KCNQ1: variants seen among roughly 807,000 people sequenced by gnomAD.
KCNQ1 encodes potassium voltage-gated channel subfamily Q member 1, also known as potassium voltage-gated channel subfamily KQT member 1.
A neutral mutation model predicts 72.4 loss-of-function variants in KCNQ1; 49 were observed. That is an observed-to-expected ratio of 0.68 (90% CI 0.54 to 0.86). The LOEUF (loss-of-function observed/expected upper bound fraction) is 0.86, where lower values mean the gene tolerates loss of function less well. KCNQ1 is among the 40% of genes least tolerant of loss of function. The probability of loss-of-function intolerance (pLI) is 0.00; values close to 1 mark genes in which losing one functional copy is unlikely to be tolerated. For synonymous variants in KCNQ1, 450 were observed against 412.6 expected, an observed-to-expected ratio of 1.09 and a Z score of -1.10; for missense variants, 790 against 945.1, an observed-to-expected ratio of 0.84 and a Z score of 2.15.
In KCNQ1 at chr11:2,809,595, T is replaced by C. The variant is rs547069606; in HGVS notation, c.1794+31558T>C. ...CCTCTTCTCAGTTCTTCGTTTCCAGTTGGACTCATCTCCTGACTGGTTGGG... is the reference window on the plus strand; with the variant it reads ...CCTCTTCTCAGTTCTTCGTTTCCAGCTGGACTCATCTCCTGACTGGTTGGG... On this transcript the variant is annotated intron_variant, in intron 15 of 15. Transcript: ENST00000155840. This position sits in a 1 kb window ranked among gnomAD's most constrained non-coding sequence, Gnocchi z 7.1. 9.8e-5 allele frequency among the ~76,000 whole-genome samples: 15 copies of C among 152,318 alleles called. No homozygotes were observed. The highest frequency in any genetic ancestry group is 8.3e-4 in the South Asian group (4 of 4,824).
intron 1 of KCNQ1, among the ~76,000 whole-genome samples, chr11:2,524,714 C>T (rs946221618): frequency 6.6e-6 from 1 of 152,210 alleles, no homozygotes; most frequent in African/African-American, 2.4e-5. Context: ...TCGACGCTCG[C>T]TGCTGATTCC....
chr11:2,775,789 G>T (rs1846683227), intron 12 of KCNQ1, among the ~76,000 whole-genome samples, 171 bp from the exon 13 acceptor site: 1 of 152,206 alleles, frequency 6.6e-6, no homozygotes, highest in South Asian at 2.1e-4. Context: ...AGCTGATGGG[G>T]ACAAGCTTCG....
intron 1 of KCNQ1, among the ~76,000 whole-genome samples, chr11:2,448,936 G>C (rs1046988290): frequency 6.6e-6 from 1 of 152,236 alleles, no homozygotes; most frequent in African/African-American, 2.4e-5. Flanking sequence ...GTCAGCTGGG[G>C]AGGGGGTAGT....
rs1469727641 is a variant in KCNQ1, at chr11:2,623,732, C to G, written c.1393+34878C>G. The G allele has an allele frequency of 2.5e-6, 1 of 398,490 alleles. No homozygotes were observed. The highest frequency in any genetic ancestry group is 2.1e-5 in the African/African-American group (1 of 48,716). 24.7% of individuals were successfully genotyped at this position (398,490 alleles called of 1,614,324 possible). A position where few individuals can be genotyped will look rare whatever the true frequency, so the allele number is the denominator to read the frequency against. ...TCACAAATAAAGCTTCTGTAAACATCTCTGTGCAGATTTTTATGTGAATAT... is the reference window on the plus strand; with the variant it reads ...TCACAAATAAAGCTTCTGTAAACATGTCTGTGCAGATTTTTATGTGAATAT... On this transcript the variant is annotated intron_variant, in intron 10 of 15. Transcript: ENST00000155840. The surrounding 1 kb of genome is among the most constrained non-coding windows in gnomAD (Gnocchi z 5.2).
intron 1 of KCNQ1, among the ~76,000 whole-genome samples, chr11:2,466,762 G>A (rs1846357818): frequency 1.3e-5 from 2 of 152,146 alleles, no homozygotes; most frequent in East Asian, 1.9e-4. Flanking sequence ...GAACAGGGCT[G>A]AGCTCCATGT....
At chr11:2,763,067 T>TAAAC (rs1052669305) in intron 11 of KCNQ1, among the ~76,000 whole-genome samples, 1 of 152,170 alleles carries the variant, frequency 6.6e-6, no homozygotes, top group Admixed American at 6.5e-5. Flanking sequence ...TTCCAATAAA[T>TAAAC]AAACAAACAA....
At chr11:2,770,662 C>T (rs1227886252) in intron 12 of KCNQ1, among the ~76,000 whole-genome samples, 1 of 152,272 alleles carries the variant, frequency 6.6e-6, no homozygotes, top group African/African-American at 2.4e-5. Flanking sequence ...AAAATAAAAG[C>T]CATGGCAAAT....
chr11:2,772,535 C>T lies in KCNQ1; in HGVS notation c.1591-3425C>T, dbSNP rs1392122379. 6.6e-6 allele frequency among the ~76,000 whole-genome samples: 1 copy of T among 152,140 alleles called. No homozygotes were observed. Among genetic ancestry groups the T allele is most frequent in the Non-Finnish European group, 1.5e-5 (1 of 67,998 alleles). Reference sequence around the variant, plus strand: ...CGTATCCTAGCAGGCATCTCAGTGGCTCCAGGATAAGTCTCTGTGGGCTGG... The same window carrying T: ...CGTATCCTAGCAGGCATCTCAGTGGTTCCAGGATAAGTCTCTGTGGGCTGG... On this transcript the variant is annotated intron_variant, in intron 12 of 15. Transcript: ENST00000155840. This position sits in a 1 kb window ranked among gnomAD's most constrained non-coding sequence, Gnocchi z 6.6.
intron 2 of KCNQ1, among the ~76,000 whole-genome samples, chr11:2,534,284 T>C (rs1204217468): frequency 1.3e-5 from 2 of 152,240 alleles, no homozygotes; most frequent in African/African-American, 4.8e-5. Flanking sequence ...CCTCACCTGG[T>C]GTTTTTCACC....
intron 12 of KCNQ1, among the ~76,000 whole-genome samples, chr11:2,770,946 C>A (rs1846586893): frequency 6.6e-6 from 1 of 152,244 alleles, no homozygotes; most frequent in African/African-American, 2.4e-5. Context: ...CAGAGGAGAC[C>A]ATGGGAAGGG....
At position 2,674,831 on chromosome 11, in the gene KCNQ1, TTAAAAAAAA is replaced by T. The variant is rs1850263226; in HGVS notation, c.1514+12751_1514+12759del. The stretch of plus-strand genomic sequence containing the variant: ...GGCTTGTCACCCTAATAGCTGTTTT[TTAAAAAAAA>T]AAAAAAAAAAAAAAAAAAAAGCTCA... On this transcript the variant is annotated intron_variant, in intron 11 of 15. Coordinates refer to ENST00000155840, the MANE Select transcript of KCNQ1 (RefSeq NM_000218.3). The surrounding 1 kb of genome is among the most constrained non-coding windows in gnomAD (Gnocchi z 5.9). 12 of 368,048 alleles carry T rather than the reference TTAAAAAAAA, an allele frequency of 3.3e-5. No homozygotes were observed. The highest frequency in any genetic ancestry group is 2.1e-4 in the African/African-American group (8 of 38,700). 22.8% of individuals were successfully genotyped at this position (368,048 alleles called of 1,614,324 possible).
intron 11 of KCNQ1, among the ~76,000 whole-genome samples, chr11:2,727,106 C>G (rs1845777720): frequency 6.6e-6 from 1 of 152,182 alleles, no homozygotes; most frequent in South Asian, 2.1e-4. Context: ...GATATATCTG[C>G]CCCTGTAGGA....
rs890352960 is a variant in KCNQ1, at chr11:2,783,530, A to G, written c.1794+5493A>G. Among the ~76,000 whole-genome samples the G allele has an allele frequency of 2.0e-5, 3 of 152,070 alleles. No homozygotes were observed. The highest frequency in any genetic ancestry group is 7.2e-5 in the African/African-American group (3 of 41,442). On this transcript the variant is annotated intron_variant, in intron 15 of 15. Transcript: ENST00000155840. This position sits in a 1 kb window ranked among gnomAD's most constrained non-coding sequence, Gnocchi z 5.2. ...AATGTTTTTATCTGCTTGATCTATTATTACTGAGAAGGCATAGGGCAAATT... is the reference window on the plus strand; with the variant it reads ...AATGTTTTTATCTGCTTGATCTATTGTTACTGAGAAGGCATAGGGCAAATT...
intron 1 of KCNQ1, among the ~76,000 whole-genome samples, chr11:2,496,940 G>A (rs1177578967): frequency 6.6e-6 from 1 of 152,040 alleles, no homozygotes; most frequent in Non-Finnish European, 1.5e-5. Context: ...AGTTTGGCTG[G>A]ATATGAAATT....
At position 2,661,607 on chromosome 11, in the gene KCNQ1, C is replaced by T. The variant is rs566388888; in HGVS notation, c.1394-354C>T. On this transcript the variant is annotated intron_variant, in intron 10 of 15. Transcript: ENST00000155840. This position sits in a 1 kb window ranked among gnomAD's most constrained non-coding sequence, Gnocchi z 5.9. ...GCTGTTGTCCCTTACCAGGCCTGTG[C>T]CTGTCACCTCTGTTTTATTCTTGAC... The T allele has an allele frequency of 1.8e-4, 105 of 579,462 alleles. 1 individual carries two copies. In the South Asian group the frequency reaches 2.2e-3, roughly 12 times the overall value. 35.9% of individuals were successfully genotyped at this position (579,462 alleles called of 1,614,324 possible).
In KCNQ1 at chr11:2,635,000, A is replaced by G. The variant is rs1322459757; in HGVS notation, c.1394-26961A>G. 7 of 152,208 alleles carry G rather than the reference A, an allele frequency of 4.6e-5. No individual in the cohort carries two copies. In the East Asian group the frequency reaches 1.3e-3, roughly 29 times the overall value. 9.4% of individuals were successfully genotyped at this position (152,208 alleles called of 1,614,324 possible). A position where few individuals can be genotyped will look rare whatever the true frequency, so the allele number is the denominator to read the frequency against. On this transcript the variant is annotated intron_variant, in intron 10 of 15. Coordinates refer to ENST00000155840, the MANE Select transcript of KCNQ1 (RefSeq NM_000218.3). The stretch of plus-strand genomic sequence containing the variant: ...GTCTTCTTTTGAGAAGTGTCTGTTC[A>G]TAACCTTTGCCCACTTTTTGATAGG...
chr11:2,839,051 G>C (rs369035142), intron 15 of KCNQ1, among the ~76,000 whole-genome samples: 2 of 152,188 alleles, frequency 1.3e-5, no homozygotes, highest in African/African-American at 2.4e-5. Flanking sequence ...CAGCTGCCTC[G>C]GGCTCTTGGA....
chr11:2,590,257 A>G (rs1046565109), intron 10 of KCNQ1, among the ~76,000 whole-genome samples: 3 of 152,188 alleles, frequency 2.0e-5, no homozygotes, highest in East Asian at 1.9e-4. Flanking sequence ...CCTCGTGCAA[A>G]GGTGCCATCT....
Position 2,471,914 on chromosome 11 carries a change from ATG to A in KCNQ1, c.386+26436_386+26437del, listed in dbSNP as rs929373410. Among the ~76,000 whole-genome samples the A allele has an allele frequency of 1.4e-5, 2 of 144,682 alleles. No individual in the cohort carries two copies. Among genetic ancestry groups the A allele is most frequent in the African/African-American group, 5.2e-5 (2 of 38,324 alleles). 94.9% of individuals were successfully genotyped at this position (144,682 alleles called of 152,430 possible). On this transcript the variant is annotated intron_variant, in intron 1 of 15. Coordinates refer to ENST00000155840, the MANE Select transcript of KCNQ1 (RefSeq NM_000218.3). The surrounding 1 kb of genome is among the most constrained non-coding windows in gnomAD (Gnocchi z 4.8). The stretch of plus-strand genomic sequence containing the variant: ...TATAGGTGTGTGTATGCGTGCACCT[ATG>A]TGTGTATAGGCGTGTATGTGTGCGC...
Sources: gnomAD v4.1 joint callset for allele counts (sites outside exome capture counted in the v4.1 genomes callset) on GRCh38, gnomAD v4.1.1 for gene constraint, Gnocchi (gnomAD v3.1) non-coding constraint, MANE v1.5 for transcripts, NCBI Gene and HGNC (gene_info 2026-07-23, HGNC 2026-07-21) for gene names.